PALD1: variants seen among roughly 807,000 people sequenced by gnomAD.
PALD1 encodes phosphatase domain containing paladin 1, also known as paladin.
A neutral mutation model predicts 96.0 loss-of-function variants in PALD1; 57 were observed. That is an observed-to-expected ratio of 0.59 (90% CI 0.48 to 0.74). The LOEUF (loss-of-function observed/expected upper bound fraction) is 0.74. PALD1 is among the 30% of genes least tolerant of loss of function. The pLI is 0.00. For missense variants in PALD1, 1,063 were observed against 1,143.7 expected (o/e 0.93, Z 1.02); for synonymous variants, 464 against 473.6 (o/e 0.98, Z 0.26).
intron 1 of PALD1, among the ~76,000 whole-genome samples, chr10:70,519,635 C>T (rs1476490589): frequency 2.0e-5 from 3 of 147,820 alleles, no homozygotes; most frequent in South Asian, 2.1e-4. Context: ...AGTGCAGTGG[C>T]GCGATCTCAA....
chr10:70,520,275 G>C (rs569469150), intron 1 of PALD1, among the ~76,000 whole-genome samples: 1 of 151,222 alleles, frequency 6.6e-6, no homozygotes, highest in East Asian at 1.9e-4. Flanking sequence ...ATGCTGGGAG[G>C]TTGTGGCTGC....
rs758394691 is a variant in PALD1 at position 70,531,385 on chromosome 10, T to C, written c.564T>C (p.Leu188=). The C allele has an allele frequency of 1.9e-6, 3 of 1,614,056 alleles. No individual in the cohort carries two copies. Among genetic ancestry groups the C allele is most frequent in the Non-Finnish European group, 2.5e-6 (3 of 1,179,946 alleles). ...VSYTPRDKQN[L]HENLQGLGPG... ...ACACACCTCGAGACAAGCAGAACCT[T>C]CATGAGAACCTCCAGGGCCTTGGAC... The change falls in exon 5 of 20, where the codon CTT becomes CTC. Residue 188 remains leucine (L), a synonymous_variant. Transcript: ENST00000263563.
chr10:70,556,803 G>A (rs932744707), intron 18 of PALD1, among the ~76,000 whole-genome samples: 3 of 152,178 alleles, frequency 2.0e-5, no homozygotes, highest in Non-Finnish European at 4.4e-5. Flanking sequence ...CAGCACCACC[G>A]CCTCCTTCAC....
chr10:70,470,654 G>A, the PALD1 span, among the ~76,000 whole-genome samples: 1 of 150,068 alleles, frequency 6.7e-6, no homozygotes, highest in African/African-American at 2.4e-5. Context: ...TGTCACCCAG[G>A]CTGGAGTGCA....
At chr10:70,532,502 G>C (rs10999378) in intron 5 of PALD1, 119 bp from the exon 6 acceptor site, 113,451 of 969,950 alleles carry the variant, frequency 0.12, 7,799 homozygotes, top group South Asian at 0.17. Flanking sequence ...TCCCTCATGG[G>C]GGGCAGAAGC....
chr10:70,472,718 G>A, the PALD1 span, among the ~76,000 whole-genome samples: 1 of 152,218 alleles, frequency 6.6e-6, no homozygotes, highest in East Asian at 1.9e-4. Flanking sequence ...GCGAGACCCA[G>A]TAGAAGGCCA....
chr10:70,480,720 G>C (rs1589166002), intron 1 of PALD1, among the ~76,000 whole-genome samples: 1 of 152,240 alleles, frequency 6.6e-6, no homozygotes, highest in East Asian at 1.9e-4. Flanking sequence ...GAAGCCCTTG[G>C]CTGGCACTGT....
intron 1 of PALD1, among the ~76,000 whole-genome samples, chr10:70,488,326 G>T (rs986882742): frequency 5.3e-5 from 8 of 152,154 alleles, no homozygotes; most frequent in Admixed American, 3.3e-4. Flanking sequence ...TTGCCCTGTT[G>T]CCCAGGCTGG....
At chr10:70,509,216 C>T (rs941564841) in intron 1 of PALD1, among the ~76,000 whole-genome samples, 18 of 152,222 alleles carry the variant, frequency 1.2e-4, no homozygotes, top group South Asian at 4.2e-4. Context: ...TCCTAGTGTC[C>T]GTTGGGAAAG....
intron 1 of PALD1, among the ~76,000 whole-genome samples, chr10:70,500,806 C>A (rs971403829): frequency 2.0e-5 from 3 of 152,132 alleles, no homozygotes; most frequent in Non-Finnish European, 4.4e-5. Flanking sequence ...TTGGCTGGAG[C>A]CGGTGCAATA....
At chr10:70,512,165 T>C (rs1476666134) in intron 1 of PALD1, among the ~76,000 whole-genome samples, 2 of 152,322 alleles carry the variant, frequency 1.3e-5, no homozygotes, top group East Asian at 1.9e-4. Context: ...ATTCAAACCA[T>C]AGCAGTACTG....
At chr10:70,515,110 G>T (rs1338108239) in intron 1 of PALD1, among the ~76,000 whole-genome samples, 2 of 152,174 alleles carry the variant, frequency 1.3e-5, no homozygotes, top group Non-Finnish European at 2.9e-5. Context: ...ACCAGACAGG[G>T]TGGGGAGGTA....
At chr10:70,537,763 C>A (rs375470065) in intron 10 of PALD1, 48 bp from the exon 11 acceptor site, 103 of 1,316,096 alleles carry the variant, frequency 7.8e-5, no homozygotes, top group Non-Finnish European at 1.1e-4. Flanking sequence ...GGGACAGGGA[C>A]AAGACTGCCT....
intron 10 of PALD1, among the ~76,000 whole-genome samples, chr10:70,536,176 C>T (rs1218287427): frequency 6.6e-6 from 1 of 152,042 alleles, no homozygotes. Context: ...GGTGTGTGCC[C>T]AGTAGTACCA....
At chr10:70,480,158 G>A (rs1176523529) in intron 1 of PALD1, among the ~76,000 whole-genome samples, 2 of 152,224 alleles carry the variant, frequency 1.3e-5, no homozygotes, top group East Asian at 1.9e-4. Flanking sequence ...CAGCAGGGGC[G>A]CTGAGGAGGT....
At position 70,482,840 on chromosome 10, in the gene PALD1, C is replaced by T. The variant is rs546329565; in HGVS notation, c.-30+3781C>T. Among the ~76,000 whole-genome samples, 5 of 152,228 alleles carry T rather than the reference C, an allele frequency of 3.3e-5. No individual in the cohort carries two copies. The South Asian group carries it at 1.0e-3, about 32-fold the overall frequency. On this transcript the variant is annotated intron_variant, in intron 1 of 19. Transcript: ENST00000263563. Reference sequence around the variant, plus strand: ...ATGAAAGGAGGTAATCGCAGAGAGCCTCCGAGGCTGTCTGGCTCCTAGGAA... The same window carrying T: ...ATGAAAGGAGGTAATCGCAGAGAGCTTCCGAGGCTGTCTGGCTCCTAGGAA...
chr10:70,554,845 G>A (rs1046539140), intron 18 of PALD1, among the ~76,000 whole-genome samples: 28 of 145,784 alleles, frequency 1.9e-4, no homozygotes, highest in African/African-American at 7.1e-4. Flanking sequence ...TGGTCTCAAA[G>A]CGAGATTTAT....
intron 18 of PALD1, among the ~76,000 whole-genome samples, chr10:70,554,496 C>T (rs1049907396): frequency 6.6e-6 from 1 of 152,130 alleles, no homozygotes; most frequent in Non-Finnish European, 1.5e-5. Context: ...TGAACTAAGC[C>T]ACTTCCAGCG....
intron 1 of PALD1, among the ~76,000 whole-genome samples, chr10:70,495,301 G>GTATCATATAATATGATACATATTATAA (rs1290214903): frequency 6.6e-6 from 1 of 152,178 alleles, no homozygotes; most frequent in Non-Finnish European, 1.5e-5. Context: ...AATGTATACA[G>GTATCATATAATATGATACATATTATAA]TGTATCATAA....
Sources: gnomAD v4.1 joint callset for allele counts (sites outside exome capture counted in the v4.1 genomes callset) on GRCh38, gnomAD v4.1.1 for gene constraint, MANE v1.5 for transcripts, NCBI Gene and HGNC (gene_info 2026-07-23, HGNC 2026-07-21) for gene names.